The following EYS variants were observed in gnomAD, a reference collection of about 807,000 sequenced individuals.
The protein encoded by EYS is EGF-like photoreceptor maintenance factor, also known as protein eyes shut homolog.
Under a neutral mutation model 282.1 loss-of-function variants are expected in EYS, and 250 were observed. The ratio of observed to expected loss-of-function variants is 0.89; its 90% CI spans 0.80 to 0.98. The LOEUF (loss-of-function observed/expected upper bound fraction) is 0.98, where lower values mean the gene tolerates loss of function less well. EYS is among the 50% of genes least tolerant of loss of function. The pLI, the probability that EYS is intolerant of heterozygous loss-of-function variation, is 0.00. For synonymous variants in EYS, 1,355 were observed against 1,282.9 expected (o/e 1.06, Z -1.20); for missense variants, 4,016 against 3,709.0 (o/e 1.08, Z -2.15).
At chr6:64,463,392 A>T (rs1775818649) in intron 26 of EYS, among the ~76,000 whole-genome samples, 1 of 152,204 alleles carries the variant, frequency 6.6e-6, no homozygotes, top group African/African-American at 2.4e-5. Flanking sequence ...CCTTCTAGGG[A>T]AACATTCTAC....
chr6:64,938,989 T>G (rs184383730), intron 15 of EYS, among the ~76,000 whole-genome samples: 2 of 151,740 alleles, frequency 1.3e-5, no homozygotes, highest in African/African-American at 2.4e-5. Flanking sequence ...TTGTATGGTG[T>G]GTTAATTATG....
At chr6:64,689,456 A>T (rs1163049750) in intron 22 of EYS, among the ~76,000 whole-genome samples, 1 of 6,400 alleles carries the variant, frequency 1.6e-4, no homozygotes, top group Non-Finnish European at 1.2e-3. Flanking sequence ...TTCTTCACAG[A>T]ACTGGAAAAA....
Position 65,275,092 on chromosome 6 carries a change from C to T in EYS, c.2023+20771G>A, listed in dbSNP as rs559029027. 3.3e-5 allele frequency among the ~76,000 whole-genome samples: 5 copies of T among 152,226 alleles called. No homozygotes were observed. The East Asian group carries it at 9.7e-4, about 29-fold the overall frequency. The stretch of plus-strand genomic sequence containing the variant: ...AGATTGCTGTGCAAGCTACTCTGTC[C>T]CTTGGGTTGTATGATCCAGTAGATC... On this transcript the variant is annotated intron_variant, in intron 12 of 42. Transcript: ENST00000503581.
At chr6:64,824,080 C>A (rs932749504) in intron 19 of EYS, among the ~76,000 whole-genome samples, 2 of 151,812 alleles carry the variant, frequency 1.3e-5, no homozygotes, top group Non-Finnish European at 2.9e-5. Context: ...AGTTACAGAT[C>A]CTCTTTACAT....
chr6:65,674,685 A>G (rs550067666), intron 1 of EYS, among the ~76,000 whole-genome samples: 2 of 152,086 alleles, frequency 1.3e-5, no homozygotes, highest in East Asian at 3.9e-4. Context: ...AGATTAACAA[A>G]AGTTGAGGTA....
chr6:65,167,782 C>T (rs936122954), intron 12 of EYS, among the ~76,000 whole-genome samples: 1 of 151,240 alleles, frequency 6.6e-6, no homozygotes. Context: ...ATACCTTCTT[C>T]TTTTATGCTC....
chr6:64,049,808 T>G (rs924228060), intron 33 of EYS, among the ~76,000 whole-genome samples: 1 of 152,148 alleles, frequency 6.6e-6, no homozygotes, highest in Non-Finnish European at 1.5e-5. Context: ...AGATGGATAT[T>G]CTAGTTTTTC....
chr6:64,670,100 TC>T (rs1287579949), intron 22 of EYS, among the ~76,000 whole-genome samples: 1 of 152,010 alleles, frequency 6.6e-6, no homozygotes, highest in Non-Finnish European at 1.5e-5. Flanking sequence ...TGCCCTGATC[TC>T]CCCGTCTCTA....
chr6:63,742,037 C>T (rs749921866), intron 41 of EYS: 1 of 695,116 alleles, frequency 1.4e-6, no homozygotes, highest in Non-Finnish European at 2.6e-6. Flanking sequence ...TATCAGCAGT[C>T]TAATATCTTC....
At chr6:65,193,541 A>G (rs759483674) in intron 12 of EYS, among the ~76,000 whole-genome samples, 10 of 151,828 alleles carry the variant, frequency 6.6e-5, no homozygotes, top group Non-Finnish European at 1.5e-4. Context: ...GTTTGAAGTA[A>G]TCTTGGAAAT....
At chr6:63,908,008 A>ACACAC (rs1491370823) in intron 35 of EYS, among the ~76,000 whole-genome samples, 2 of 23,658 alleles carry the variant, frequency 8.5e-5, no homozygotes, top group African/African-American at 4.1e-4. Flanking sequence ...ACACACACAC[A>ACACAC]AACGTATATA....
chr6:64,692,966 G>A (rs929032891), intron 22 of EYS, among the ~76,000 whole-genome samples: 2 of 105,840 alleles, frequency 1.9e-5, no homozygotes, highest in African/African-American at 6.6e-5. Context: ...GGATTGGTTT[G>A]GCTGCTTGGG....
intron 12 of EYS, among the ~76,000 whole-genome samples, chr6:65,285,664 A>G (rs1273715065): frequency 6.6e-6 from 1 of 152,024 alleles, no homozygotes; most frequent in Non-Finnish European, 1.5e-5. Context: ...TTTAAAAACT[A>G]CAAAAATATA....
At chr6:64,392,236 G>A (rs1008773618) in intron 28 of EYS, among the ~76,000 whole-genome samples, 4 of 148,304 alleles carry the variant, frequency 2.7e-5, no homozygotes, top group Non-Finnish European at 4.5e-5. Context: ...AAGTCAACAC[G>A]GATACCCAGG....
At chr6:63,834,368 A>AAAACAAAC (rs1771741124) in intron 36 of EYS, among the ~76,000 whole-genome samples, 4 of 151,056 alleles carry the variant, frequency 2.6e-5, no homozygotes, top group East Asian at 1.9e-4. Flanking sequence ...TTACAAGAAA[A>AAAACAAAC]AACCCCATCA....
intron 13 of EYS, among the ~76,000 whole-genome samples, chr6:65,018,275 G>T (rs1180097055): frequency 6.6e-6 from 1 of 152,148 alleles, no homozygotes; most frequent in African/African-American, 2.4e-5. Context: ...TCTTGGCAGG[G>T]TTGGTTCCTT....
At chr6:64,290,928 CAGATAATATGTAAATGA>C (rs1768681226) in intron 30 of EYS, among the ~76,000 whole-genome samples, 9 of 105,282 alleles carry the variant, frequency 8.5e-5, no homozygotes, top group East Asian at 2.4e-4. Context: ...AAAGCAACCA[CAGATAATATGTAAATGA>C]CTCGATATGG....
chr6:64,538,883 T>C (rs958290521), intron 26 of EYS, among the ~76,000 whole-genome samples: 2 of 152,220 alleles, frequency 1.3e-5, no homozygotes, highest in Admixed American at 6.5e-5. Flanking sequence ...CCATGTTCTT[T>C]CTACTCCACC....
intron 22 of EYS, among the ~76,000 whole-genome samples, chr6:64,651,126 A>G (rs2149878373): frequency 6.6e-6 from 1 of 152,212 alleles, no homozygotes; most frequent in East Asian, 1.9e-4. Flanking sequence ...AATTGGTTTC[A>G]ATGTCTTTCT....
Sources: gnomAD v4.1 joint callset for allele counts (sites outside exome capture counted in the v4.1 genomes callset) on GRCh38, gnomAD v4.1.1 for gene constraint, MANE v1.5 for transcripts, NCBI Gene and HGNC (gene_info 2026-07-23, HGNC 2026-07-21) for gene names.